ERAP1: variants seen among roughly 807,000 people sequenced by gnomAD.
ERAP1 encodes the protein adipocyte-derived leucine aminopeptidase.
A neutral mutation model predicts 103.7 loss-of-function variants in ERAP1; 86 were observed. The ratio of observed to expected loss-of-function variants is 0.83; its 90% confidence interval spans 0.70 to 0.99. The LOEUF (loss-of-function observed/expected upper bound fraction) is 0.99, where lower values mean the gene tolerates loss of function less well. Ranked by LOEUF, ERAP1 falls within the 50% of genes least tolerant of loss-of-function variation. The pLI is 0.00. For synonymous variants in ERAP1, 398 were observed against 402.4 expected (o/e 0.99, Z 0.13); for missense variants, 1,009 against 1,128.4 (o/e 0.89, Z 1.52).
In ERAP1 at chr5:96,795,035, T is replaced by C; in HGVS notation, c.919+7A>G. On this transcript the variant is annotated splice_region_variant and intron_variant, in intron 5 of 18. Coordinates refer to ENST00000443439, the MANE Select transcript of ERAP1 (RefSeq NM_001040458.3). ...TGTCATGTGTAATATCTGTGCAAAA[T>C]CTCTACCTTGTTTGGGTAGGGGATA... 1 of 1,613,840 alleles carries C rather than the reference T, an allele frequency of 6.2e-7. No individual in the cohort carries two copies. The highest frequency in any genetic ancestry group is 1.1e-5 in the South Asian group (1 of 91,032).
chr5:96,855,123 T>C, the ERAP1 span, among the ~76,000 whole-genome samples: 3 of 152,200 alleles, frequency 2.0e-5, no homozygotes, highest in Non-Finnish European at 2.9e-5. Flanking sequence ...CATTAGCATG[T>C]TGGGGGAAAT....
the ERAP1 span, among the ~76,000 whole-genome samples, chr5:96,924,751 C>A: frequency 2.0e-5 from 3 of 152,072 alleles, no homozygotes; most frequent in Non-Finnish European, 4.4e-5. Flanking sequence ...GCACCTGCTA[C>A]CATGCCAGGC....
upstream of ERAP1, among the ~76,000 whole-genome samples, chr5:96,810,638 G>A (rs182585848): frequency 1.3e-3 from 191 of 152,328 alleles, 1 homozygote; most frequent in African/African-American, 4.4e-3. Context: ...CCCATCCATT[G>A]CAGAGGCTTC....
the ERAP1 span, among the ~76,000 whole-genome samples, chr5:96,882,214 C>T: frequency 1.3e-5 from 2 of 152,206 alleles, no homozygotes; most frequent in East Asian, 1.9e-4. Context: ...ACTAAGGCAC[C>T]ACATAAACAA....
the ERAP1 span, chr5:96,909,179 C>T: frequency 6.5e-7 from 1 of 1,543,418 alleles, no homozygotes; most frequent in Non-Finnish European, 8.9e-7. Flanking sequence ...ATCAGTCAGG[C>T]TCAGTTTGTT....
intron 19 of ERAP1, chr5:96,765,283 G>A: frequency 6.4e-7 from 1 of 1,568,636 alleles, no homozygotes; most frequent in South Asian, 1.1e-5. Flanking sequence ...GACAAAGGCA[G>A]CCTGACCCAG....
Position 96,781,147 on chromosome 5 carries a change from T to G in ERAP1, c.2499A>C (p.Pro833=). 1 of 1,613,604 alleles carries G rather than the reference T, an allele frequency of 6.2e-7. No individual in the cohort carries two copies. ...KGDKIKTQEF[P]QILTLIGRNP... The stretch of plus-strand genomic sequence containing the variant: ...TCCTGCCAATGAGTGTAAGAATTTG[T>G]GGAAACTCCTGAGTTTTTATTTTAT... The change falls in exon 17 of 19, where the codon CCA becomes CCC. Residue 833 remains proline, a synonymous_variant. Transcript: ENST00000443439.
the ERAP1 span, among the ~76,000 whole-genome samples, chr5:96,845,436 T>A: frequency 1.3e-5 from 2 of 152,322 alleles, no homozygotes; most frequent in African/African-American, 4.8e-5. Flanking sequence ...GGTTTCACCA[T>A]GTTGGCTAGG....
chr5:96,850,467 G>A, the ERAP1 span, among the ~76,000 whole-genome samples: 1 of 151,958 alleles, frequency 6.6e-6, no homozygotes, highest in Non-Finnish European at 1.5e-5. Context: ...ACAAAGAAAA[G>A]GCCAACAGAT....
chr5:96,847,162 C>T, the ERAP1 span, among the ~76,000 whole-genome samples: 17 of 149,468 alleles, frequency 1.1e-4, no homozygotes, highest in Admixed American at 4.0e-4. Context: ...GCAGGAGAAT[C>T]GCTTGAACCC....
At chr5:96,873,018 G>T in the ERAP1 span, among the ~76,000 whole-genome samples, 3 of 151,946 alleles carry the variant, frequency 2.0e-5, no homozygotes, top group African/African-American at 7.3e-5. Flanking sequence ...GTGAAACCCC[G>T]TCTCTACTAA....
chr5:96,793,603 T>C (rs1397897780), intron 6 of ERAP1, 90 bp from the exon 7 acceptor site: 4 of 1,139,602 alleles, frequency 3.5e-6, no homozygotes, highest in Admixed American at 1.9e-5. Context: ...TTAACATATA[T>C]TTACAGGACC....
the ERAP1 span, among the ~76,000 whole-genome samples, chr5:96,825,649 T>C: frequency 6.6e-6 from 1 of 152,206 alleles, no homozygotes; most frequent in Non-Finnish European, 1.5e-5. Flanking sequence ...AGATCTTATA[T>C]GTTACTCCCC....
the ERAP1 span, among the ~76,000 whole-genome samples, chr5:96,869,800 C>T: frequency 2.0e-5 from 3 of 152,124 alleles, no homozygotes; most frequent in Admixed American, 2.0e-4. Flanking sequence ...AGGATGGGTG[C>T]CCAGGCAAAA....
At chr5:96,934,232 G>A in the ERAP1 span, 4 of 152,222 alleles carry the variant, frequency 2.6e-5, no homozygotes, top group African/African-American at 9.7e-5. Flanking sequence ...CATTGTTTCA[G>A]ACAGTGATGA....
chr5:96,873,386 AG>A, the ERAP1 span: 1 of 456,244 alleles, frequency 2.2e-6, no homozygotes, highest in African/African-American at 2.0e-5. Flanking sequence ...AATCTGAGGA[AG>A]AAAACGAAAC....
At chr5:96,887,124 C>T in the ERAP1 span, among the ~76,000 whole-genome samples, 1 of 146,590 alleles carries the variant, frequency 6.8e-6, no homozygotes, top group Non-Finnish European at 1.5e-5. Flanking sequence ...CACACACACA[C>T]ACATACATAT....
At chr5:96,904,207 C>T in the ERAP1 span, among the ~76,000 whole-genome samples, 1 of 152,146 alleles carries the variant, frequency 6.6e-6, no homozygotes, top group African/African-American at 2.4e-5. Context: ...CCTGGAAGGA[C>T]AAAGTGTTTT....
At chr5:96,832,398 C>G in the ERAP1 span, among the ~76,000 whole-genome samples, 1 of 152,062 alleles carries the variant, frequency 6.6e-6, no homozygotes, top group Non-Finnish European at 1.5e-5. Context: ...GAATGTTGCA[C>G]CTATGAACAC....
Sources: allele counts gnomAD v4.1 joint callset (sites outside exome capture counted in the v4.1 genomes callset), GRCh38; gene constraint gnomAD v4.1.1; transcripts MANE v1.5; gene names NCBI Gene and HGNC (gene_info 2026-07-23, HGNC 2026-07-21).